Variants in GPD2 observed in about 807,000 individuals in gnomAD.
GPD2 encodes the protein glycerol-3-phosphate dehydrogenase 2.
In GPD2, 54 loss-of-function variants were observed where a neutral mutation model predicts 82.4. The observed-to-expected ratio is 0.66, with a 90% CI of 0.53 to 0.82. The LOEUF (loss-of-function observed/expected upper bound fraction) is 0.82, where lower values mean the gene tolerates loss of function less well. Among genes scored for constraint, GPD2 ranks in the 40% least tolerant of loss-of-function variants. GPD2 has a pLI of 0.00. For missense variants in GPD2, 748 were observed against 896.2 expected, an observed-to-expected ratio of 0.83 and a Z score of 2.11; for synonymous variants, 288 against 306.1, an observed-to-expected ratio of 0.94 and a Z score of 0.62.
intron 2 of GPD2, among the ~76,000 whole-genome samples, 180 bp from the exon 3 acceptor site, chr2:156,495,864 C>T (rs535823183): frequency 4.6e-5 from 7 of 152,016 alleles, no homozygotes; most frequent in South Asian, 4.2e-4. Flanking sequence ...AGAAATACAC[C>T]GAGAAATGTA....
chr2:156,524,075 T>G (rs1393576696), intron 6 of GPD2, among the ~76,000 whole-genome samples: 2 of 152,170 alleles, frequency 1.3e-5, no homozygotes, highest in Non-Finnish European at 2.9e-5. Flanking sequence ...GGGCTTCTAG[T>G]GAACCCATCA....
chr2:156,440,579 G>T (rs1682133576), intron 1 of GPD2, among the ~76,000 whole-genome samples: 1 of 152,134 alleles, frequency 6.6e-6, no homozygotes, highest in Non-Finnish European at 1.5e-5. Flanking sequence ...TTTGAGTTGT[G>T]TATTTCTTTC....
At chr2:156,480,742 G>T (rs982717922) in intron 2 of GPD2, among the ~76,000 whole-genome samples, 8 of 150,708 alleles carry the variant, frequency 5.3e-5, no homozygotes, top group Non-Finnish European at 1.5e-5. Context: ...CAAGGAGTGA[G>T]CTTCAGAATA....
intron 6 of GPD2, among the ~76,000 whole-genome samples, chr2:156,527,732 A>G (rs978651383): frequency 6.6e-6 from 1 of 152,164 alleles, no homozygotes; most frequent in Non-Finnish European, 1.5e-5. Flanking sequence ...TGTACTTGAT[A>G]TTTTTATGTC....
chr2:156,479,247 A>G (rs894978628), intron 2 of GPD2, among the ~76,000 whole-genome samples: 1 of 152,230 alleles, frequency 6.6e-6, no homozygotes, highest in Non-Finnish European at 1.5e-5. Context: ...CATAAGACAG[A>G]TTGAAATTGA....
At chr2:156,526,303 T>C (rs181678041) in intron 6 of GPD2, among the ~76,000 whole-genome samples, 2 of 152,272 alleles carry the variant, frequency 1.3e-5, no homozygotes, top group African/African-American at 4.8e-5. Context: ...ACACATCCAC[T>C]AGTCTGATCT....
At chr2:156,410,845 C>G in the GPD2 span, among the ~76,000 whole-genome samples, 1 of 152,186 alleles carries the variant, frequency 6.6e-6, no homozygotes, top group African/African-American at 2.4e-5. Context: ...GACCTCTTCA[C>G]TTTTCCCCTT....
Position 156,550,616 on chromosome 2 carries a change from G to C in GPD2, c.841G>C (p.Val281Leu). The C allele has an allele frequency of 6.2e-7, 1 of 1,613,982 alleles. No individual in the cohort carries two copies. The highest frequency in any genetic ancestry group is 8.5e-7 in the Non-Finnish European group (1 of 1,179,828). Residue 281 changes from valine (V) to leucine (L), a missense_variant, in exon 8 of 17, where the codon GTG becomes CTG. Coordinates refer to ENST00000438166, the MANE Select transcript of GPD2 (RefSeq NM_000408.5). The part of the protein sequence containing the change: ...KDVLTGQEFD[V>L]RAKCVINATG... ...TTCTTTCACAGGGCAGGAATTTGAC[G>C]TGAGAGCCAAATGTGTTATCAATGC...
rs71419102 is a variant in GPD2, at chr2:156,584,856, T to C, written c.*1938T>C. ...TGATATACACAATATGGTACATTTG[T>C]GCTCTCTCTCTCTGTTTTTCTCTCT... On this transcript the variant is annotated 3_prime_UTR_variant, in exon 17 of 17. Transcript: ENST00000438166. 6.6e-6 allele frequency: 1 copy of C among 152,334 alleles called. No individual in the cohort carries two copies. The highest frequency in any genetic ancestry group is 6.6e-5 in the Admixed American group (1 of 15,208). The allele number at this position is 152,334 out of a possible 1,614,324, so 9.4% of individuals were successfully genotyped here.
At chr2:156,537,175 A>G (rs1225528118) in intron 6 of GPD2, among the ~76,000 whole-genome samples, 1 of 152,170 alleles carries the variant, frequency 6.6e-6, no homozygotes, top group East Asian at 1.9e-4. Context: ...GTTTATGGGC[A>G]GATAACAGTT....
chr2:156,569,966 C>A, intron 11 of GPD2, 121 bp from the exon 12 acceptor site: 1 of 859,778 alleles, frequency 1.2e-6, no homozygotes, highest in Non-Finnish European at 1.9e-6. Context: ...ATAATACTCT[C>A]CGAGAGCTAT....
intron 2 of GPD2, among the ~76,000 whole-genome samples, chr2:156,484,234 A>C (rs1406800182): frequency 6.6e-6 from 1 of 151,844 alleles, no homozygotes; most frequent in Non-Finnish European, 1.5e-5. Context: ...TCCCGGGTTC[A>C]AGCAATTCTT....
intron 2 of GPD2, among the ~76,000 whole-genome samples, chr2:156,491,135 T>C (rs969765336): frequency 4.7e-4 from 71 of 152,230 alleles, no homozygotes; most frequent in Admixed American, 6.5e-5. Flanking sequence ...TGGCAACCAC[T>C]GATCTGTTTT....
chr2:156,425,520 T>C, the GPD2 span, among the ~76,000 whole-genome samples: 10 of 152,250 alleles, frequency 6.6e-5, no homozygotes, highest in African/African-American at 2.2e-4. Flanking sequence ...GAGGAATCAG[T>C]TGTCTTGTTG....
At chr2:156,472,087 G>T (rs1391857293) in intron 1 of GPD2, among the ~76,000 whole-genome samples, 1 of 151,996 alleles carries the variant, frequency 6.6e-6, no homozygotes, top group African/African-American at 2.4e-5. Context: ...TTCACCTCTG[G>T]TTTCCTTGAA....
Position 156,497,413 on chromosome 2 carries a change from C to T in GPD2, c.274+1198C>T, listed in dbSNP as rs563074581. ...GAGAAGGACTCCACTGTGGTATCCTCAGATGTCTCGAATTGGGTAGGATAC... is the reference window on the plus strand; with the variant it reads ...GAGAAGGACTCCACTGTGGTATCCTTAGATGTCTCGAATTGGGTAGGATAC... On this transcript the variant is annotated intron_variant, in intron 3 of 16. Transcript: ENST00000438166. 2.6e-5 allele frequency among the ~76,000 whole-genome samples: 4 copies of T among 152,208 alleles called. No homozygotes were observed. The South Asian group carries it at 8.3e-4, about 32-fold the overall frequency.
chr2:156,529,264 C>T (rs1341977746), intron 6 of GPD2, among the ~76,000 whole-genome samples: 135 of 151,196 alleles, frequency 8.9e-4, no homozygotes, highest in Non-Finnish European at 1.5e-3. Flanking sequence ...TCATTTCCTT[C>T]GCCCACTTTT....
intron 1 of GPD2, among the ~76,000 whole-genome samples, chr2:156,465,454 T>C (rs1683121237): frequency 1.3e-5 from 2 of 151,488 alleles, no homozygotes; most frequent in South Asian, 4.2e-4. Flanking sequence ...CTTGAATTCC[T>C]GGGTTCAAAC....
intron 6 of GPD2, among the ~76,000 whole-genome samples, chr2:156,523,747 T>C (rs1267598759): frequency 6.6e-6 from 1 of 152,186 alleles, no homozygotes; most frequent in Non-Finnish European, 1.5e-5. Flanking sequence ...TCTTGCTCTG[T>C]TGCCCAGGCT....
Sources: gnomAD v4.1 joint callset for allele counts (sites outside exome capture counted in the v4.1 genomes callset) on GRCh38, gnomAD v4.1.1 for gene constraint, MANE v1.5 for transcripts, NCBI Gene and HGNC (gene_info 2026-07-23, HGNC 2026-07-21) for gene names.